MAGI1: variants seen among roughly 807,000 people sequenced by gnomAD.
The protein encoded by MAGI1 is membrane associated guanylate kinase, WW and PDZ domain containing 1.
MAGI1 carries 58 observed loss-of-function variants against 139.9 expected under a neutral mutation model. The observed-to-expected ratio is 0.41, with a 90% CI of 0.34 to 0.52. The LOEUF (loss-of-function observed/expected upper bound fraction) is 0.52, where lower values mean the gene tolerates loss of function less well. Among genes scored for constraint, MAGI1 ranks in the 20% least tolerant of loss-of-function variants. MAGI1 has a pLI of 0.12. For missense variants in MAGI1, 1,874 were observed against 1,901.6 expected, an observed-to-expected ratio of 0.99 and a Z score of 0.27; for synonymous variants, 812 against 737.9, an observed-to-expected ratio of 1.10 and a Z score of -1.63.
chr3:65,499,086 A>T, intron 2 of MAGI1: 1 of 933,574 alleles, frequency 1.1e-6, no homozygotes. Context: ...AAAAACTCTC[A>T]TATGCTTTGA....
intron 2 of MAGI1, among the ~76,000 whole-genome samples, chr3:65,618,216 T>C (rs2083474034): frequency 6.6e-6 from 1 of 151,640 alleles, no homozygotes; most frequent in Non-Finnish European, 1.5e-5. Flanking sequence ...GTGGGAGGGG[T>C]TGGGAATGTG....
chr3:65,527,873 C>T (rs1485606466), intron 2 of MAGI1, among the ~76,000 whole-genome samples: 1 of 151,580 alleles, frequency 6.6e-6, no homozygotes, highest in Non-Finnish European at 1.5e-5. Context: ...TGCCACTGCA[C>T]TCCAGCCTGG....
chr3:65,603,981 T>C (rs988491055), intron 2 of MAGI1, among the ~76,000 whole-genome samples: 3 of 152,194 alleles, frequency 2.0e-5, no homozygotes, highest in Admixed American at 6.5e-5. Flanking sequence ...AAAGGCCCCA[T>C]CTCTTACTAC....
chr3:65,530,804 T>C lies in MAGI1; in HGVS notation c.431-37173A>G, dbSNP rs199676389. Among the ~76,000 whole-genome samples, 146 of 67,394 alleles carry C rather than the reference T, an allele frequency of 2.2e-3. 14 individuals are homozygous for C. Among genetic ancestry groups the C allele is most frequent in the Middle Eastern group, 8.2e-3 (1 of 122 alleles). The allele number at this position is 67,394 out of a possible 152,430, so 44.2% of individuals were successfully genotyped here. ...ATATATATACACGTATATATATATATACACACATATATATACACGTATATA... is the reference window on the plus strand; with the variant it reads ...ATATATATACACGTATATATATATACACACACATATATATACACGTATATA... On this transcript the variant is annotated intron_variant, in intron 2 of 22. Transcript: ENST00000402939.
chr3:65,578,779 G>C (rs146684520), intron 2 of MAGI1, among the ~76,000 whole-genome samples: 1 of 152,152 alleles, frequency 6.6e-6, no homozygotes, highest in Non-Finnish European at 1.5e-5. Context: ...AAACTAGCGG[G>C]GCGTGGTGGC....
chr3:65,631,917 T>C (rs1260085926), intron 1 of MAGI1, among the ~76,000 whole-genome samples: 1 of 151,374 alleles, frequency 6.6e-6, no homozygotes, highest in Non-Finnish European at 1.5e-5. Flanking sequence ...CCCAGCTACT[T>C]GGGAGACTAA....
At chr3:65,389,506 T>C (rs1224110477) in intron 14 of MAGI1, among the ~76,000 whole-genome samples, 3 of 152,102 alleles carry the variant, frequency 2.0e-5, no homozygotes, top group Non-Finnish European at 4.4e-5. Context: ...TTAACTGAAG[T>C]TGGGCCATTG....
At chr3:65,501,712 C>G (rs889966386) in intron 2 of MAGI1, among the ~76,000 whole-genome samples, 3 of 151,956 alleles carry the variant, frequency 2.0e-5, no homozygotes, top group Non-Finnish European at 4.4e-5. Flanking sequence ...AAATGTTTAC[C>G]CCAGAGAAAT....
At chr3:65,676,695 T>C (rs2087210566) in intron 1 of MAGI1, among the ~76,000 whole-genome samples, 1 of 152,154 alleles carries the variant, frequency 6.6e-6, no homozygotes, top group South Asian at 2.1e-4. Context: ...GTGCAAAAAA[T>C]TCTACATTTT....
intron 1 of MAGI1, among the ~76,000 whole-genome samples, chr3:65,972,142 TCTCTCATTTGAAAAA>T (rs1195480465): frequency 6.6e-6 from 1 of 152,120 alleles, no homozygotes; most frequent in Non-Finnish European, 1.5e-5. Flanking sequence ...GCAGTTCTTA[TCTCTCATTTGAAAAA>T]CTGACAGGGA....
intron 1 of MAGI1, among the ~76,000 whole-genome samples, chr3:65,733,443 CT>C (rs2034399066): frequency 6.6e-6 from 1 of 152,120 alleles, no homozygotes; most frequent in Non-Finnish European, 1.5e-5. Flanking sequence ...CCTCAAAACA[CT>C]GTAATAAGAA....
At chr3:65,679,285 T>C (rs758328672) in intron 1 of MAGI1, among the ~76,000 whole-genome samples, 8 of 152,228 alleles carry the variant, frequency 5.3e-5, no homozygotes, top group South Asian at 4.1e-4. Flanking sequence ...CAGCGACTAC[T>C]TCATCTCAGG....
chr3:65,536,541 A>G (rs951508447), intron 2 of MAGI1, among the ~76,000 whole-genome samples: 3 of 152,138 alleles, frequency 2.0e-5, no homozygotes, highest in Non-Finnish European at 4.4e-5. Flanking sequence ...GTAGGGTGAG[A>G]TTTATATTAG....
At chr3:65,580,008 AG>A (rs2108117419) in intron 2 of MAGI1, among the ~76,000 whole-genome samples, 1 of 152,298 alleles carries the variant, frequency 6.6e-6, no homozygotes, top group East Asian at 1.9e-4. Context: ...TAGCTCTCTG[AG>A]GGCAAAGACT....
chr3:66,004,884 T>G (rs1333204993), intron 1 of MAGI1, among the ~76,000 whole-genome samples: 1 of 152,158 alleles, frequency 6.6e-6, no homozygotes, highest in Non-Finnish European at 1.5e-5. Context: ...CAAGGTGCCT[T>G]TGAAGCCATG....
intron 1 of MAGI1, among the ~76,000 whole-genome samples, chr3:65,722,153 T>C (rs1028459072): frequency 6.6e-6 from 1 of 152,164 alleles, no homozygotes; most frequent in African/African-American, 2.4e-5. Flanking sequence ...TGCAGCAGTC[T>C]TGAGAGGTAG....
intron 1 of MAGI1, chr3:65,844,345 GA>G: frequency 3.2e-6 from 1 of 314,222 alleles, no homozygotes; most frequent in Non-Finnish European, 6.1e-6. Context: ...GATCTTGACT[GA>G]AAAGGTACAA....
At position 65,429,768 on chromosome 3, in the gene MAGI1, T is replaced by G. The variant is rs1466771759; in HGVS notation, c.1919A>C (p.Glu640Ala). 1 of 1,614,008 alleles carries G rather than the reference T, an allele frequency of 6.2e-7. No homozygotes were observed. Among genetic ancestry groups the G allele is most frequent in the South Asian group, 1.1e-5 (1 of 91,084 alleles). ...TTTGACAATATGAACAGTTATGAGT[T>G]CTGGCTGAGTGGCTATGGAGGAAGC... Reference protein sequence around the residue: ...SLASSIATQPELITVHIVKGP... With the variant: ...SLASSIATQPALITVHIVKGP... Residue 640 changes from glutamate to alanine, a missense_variant, in exon 12 of 23, where the codon GAA becomes GCA. Physicochemically the swap from Glu to Ala is moderately radical, Grantham distance 107. Around this residue, in one of 5 missense-constraint regions of MAGI1, gnomAD observed 482 missense variants for 509.6 expected, o/e 0.95. Coordinates refer to ENST00000402939, the MANE Select transcript of MAGI1 (RefSeq NM_001033057.2).
At chr3:65,593,293 T>C (rs937105859) in intron 2 of MAGI1, among the ~76,000 whole-genome samples, 4 of 152,244 alleles carry the variant, frequency 2.6e-5, no homozygotes, top group Non-Finnish European at 5.9e-5. Flanking sequence ...AGTTATTTCA[T>C]ACAGTCTTTG....
Sources: allele counts gnomAD v4.1 joint callset (sites outside exome capture counted in the v4.1 genomes callset), GRCh38; gene constraint gnomAD v4.1.1; regional missense constraint gnomAD v4.1.1; transcripts MANE v1.5; gene names NCBI Gene and HGNC (gene_info 2026-07-23, HGNC 2026-07-21).